C8orf34: variants seen among roughly 807,000 people sequenced by gnomAD.
The protein encoded by C8orf34 is chromosome 8 open reading frame 34, also known as uncharacterized protein C8orf34.
In C8orf34, 65 loss-of-function variants were observed where a neutral mutation model predicts 68.3. That is an observed-to-expected ratio of 0.95 (90% confidence interval 0.78 to 1.17). The LOEUF (loss-of-function observed/expected upper bound fraction) is 1.17. Ranked by LOEUF, C8orf34 falls within the 50% of genes most tolerant of loss-of-function variation. The pLI, the probability that C8orf34 is intolerant of heterozygous loss-of-function variation, is 0.00. For synonymous variants in C8orf34, 244 were observed against 241.2 expected (o/e 1.01, Z -0.11); for missense variants, 664 against 655.4 (o/e 1.01, Z -0.14).
At chr8:68,688,710 C>T (rs1434808025) in intron 8 of C8orf34, among the ~76,000 whole-genome samples, 2 of 152,016 alleles carry the variant, frequency 1.3e-5, no homozygotes, top group African/African-American at 4.8e-5. Flanking sequence ...TGGAAGCCGT[C>T]ATACTCAGCA....
chr8:68,787,431 G>A lies in C8orf34; in HGVS notation c.1456-12G>A, dbSNP rs776863386. The A allele has an allele frequency of 6.3e-7, 1 of 1,594,806 alleles. No homozygotes were observed. Among genetic ancestry groups the A allele is most frequent in the South Asian group, 1.1e-5 (1 of 89,594 alleles). ...ACAGAGTTTAATCTAAAATAAATGT[G>A]TTCTTTTGCAGGATGAATCCTTAAA... On this transcript the variant is annotated splice_polypyrimidine_tract_variant and intron_variant, in intron 11 of 13. Coordinates refer to ENST00000518698, the MANE Select transcript of C8orf34 (RefSeq NM_052958.4).
rs191142221 is a variant in C8orf34, at chr8:68,361,379, C to T, written c.327+30040C>T. On this transcript the variant is annotated intron_variant, in intron 1 of 13. Coordinates refer to ENST00000518698, the MANE Select transcript of C8orf34 (RefSeq NM_052958.4). Reference sequence around the variant, plus strand: ...TTCCTCCAGAGAGAGACTGTAACCTCGGAGGAGGCAGCTTTTGTGGGAGGA... The same window carrying T: ...TTCCTCCAGAGAGAGACTGTAACCTTGGAGGAGGCAGCTTTTGTGGGAGGA... 4.0e-3 allele frequency among the ~76,000 whole-genome samples: 614 copies of T among 152,190 alleles called. 4 individuals are homozygous for T. Among genetic ancestry groups the T allele is most frequent in the Non-Finnish European group, 5.1e-3 (350 of 68,006 alleles).
At chr8:68,331,895 G>A (rs1462788461) in intron 1 of C8orf34, among the ~76,000 whole-genome samples, 4 of 142,166 alleles carry the variant, frequency 2.8e-5, no homozygotes, top group Admixed American at 2.2e-4. Flanking sequence ...CTGAACTGGT[G>A]AGGAGTAGGC....
Position 68,446,456 on chromosome 8 carries a change from A to T in C8orf34, c.603A>T (p.Lys201Asn). ...SNISPPSPDS[K>N]SLPRSVEHPK... Reference sequence around the variant, plus strand: ...TTTCTCCACCATCACCGGACTCCAAATCATGTAAGGAAGTCTCTTATTCAA... The same window carrying T: ...TTTCTCCACCATCACCGGACTCCAATTCATGTAAGGAAGTCTCTTATTCAA... The change falls in exon 3 of 14, where the codon AAA (lysine) becomes AAT (asparagine). Residue 201 changes from lysine (K) to asparagine (N), a missense_variant. Coordinates refer to ENST00000518698, the MANE Select transcript of C8orf34 (RefSeq NM_052958.4). 6.2e-7 allele frequency: 1 copy of T among 1,611,704 alleles called. No individual in the cohort carries two copies. The highest frequency in any genetic ancestry group is 1.3e-5 in the African/African-American group (1 of 74,944).
chr8:68,405,589 C>T lies in C8orf34; in HGVS notation c.328-33910C>T, dbSNP rs117805653. Among the ~76,000 whole-genome samples, 1,336 of 152,220 alleles carry T rather than the reference C, an allele frequency of 8.8e-3. 7 individuals carry two copies. Among genetic ancestry groups the T allele is most frequent in the South Asian group, 0.025 (122 of 4,818 alleles). ...GGGAGTATCCACTTATGTCTTATAT[C>T]GGACAGCATCCATTTTATCACCATT... On this transcript the variant is annotated intron_variant, in intron 1 of 13. Coordinates refer to ENST00000518698, the MANE Select transcript of C8orf34 (RefSeq NM_052958.4).
At chr8:68,772,389 T>G (rs1444556027) in intron 10 of C8orf34, among the ~76,000 whole-genome samples, 2 of 152,160 alleles carry the variant, frequency 1.3e-5, no homozygotes, top group African/African-American at 4.8e-5. Flanking sequence ...GACAGTGTGG[T>G]TCTAGTCCTA....
chr8:68,591,982 A>T (rs1430522968), intron 7 of C8orf34, among the ~76,000 whole-genome samples: 1 of 152,140 alleles, frequency 6.6e-6, no homozygotes, highest in African/African-American at 2.4e-5. Context: ...TATTAAAAGG[A>T]ACCCCCCAAA....
chr8:68,810,759 C>T (rs1824626305), intron 12 of C8orf34, among the ~76,000 whole-genome samples: 1 of 152,112 alleles, frequency 6.6e-6, no homozygotes, highest in African/African-American at 2.4e-5. Context: ...ATCTGCTCAG[C>T]TCTCGCCTGA....
chr8:68,595,640 T>C (rs1037281605), intron 7 of C8orf34, among the ~76,000 whole-genome samples: 14 of 152,116 alleles, frequency 9.2e-5, no homozygotes, highest in Admixed American at 7.2e-4. Context: ...TTAAGGGATA[T>C]TTCAGGCATT....
At chr8:68,451,257 C>G (rs1811332361) in intron 3 of C8orf34, among the ~76,000 whole-genome samples, 1 of 152,110 alleles carries the variant, frequency 6.6e-6, no homozygotes, top group Non-Finnish European at 1.5e-5. Flanking sequence ...GATCTTCTAT[C>G]CAGACCACTC....
intron 4 of C8orf34, among the ~76,000 whole-genome samples, chr8:68,477,678 T>G (rs542396437): frequency 6.6e-6 from 1 of 152,306 alleles, no homozygotes; most frequent in African/African-American, 2.4e-5. Flanking sequence ...GCATAGGCTC[T>G]CCATGAGGGC....
intron 2 of C8orf34, among the ~76,000 whole-genome samples, chr8:68,440,971 GT>G (rs1441283683): frequency 1.3e-5 from 2 of 151,914 alleles, no homozygotes; most frequent in African/African-American, 4.8e-5. Context: ...TACCCAGCTA[GT>G]TTTTTGTATT....
chr8:68,785,586 C>T (rs1823822184), intron 11 of C8orf34, among the ~76,000 whole-genome samples: 1 of 152,178 alleles, frequency 6.6e-6, no homozygotes, highest in Non-Finnish European at 1.5e-5. Flanking sequence ...CACCTTATTT[C>T]CTCCCCCTTC....
intron 1 of C8orf34, among the ~76,000 whole-genome samples, chr8:68,405,556 T>A (rs2129621556): frequency 6.6e-6 from 1 of 152,260 alleles, no homozygotes; most frequent in East Asian, 1.9e-4. Context: ...CACTTAAGAT[T>A]TTGTCCAGGG....
chr8:68,581,226 T>C (rs1817055546), intron 7 of C8orf34, among the ~76,000 whole-genome samples: 2 of 152,064 alleles, frequency 1.3e-5, no homozygotes, highest in South Asian at 4.1e-4. Context: ...AGAAGTATGA[T>C]TGGATAAAAA....
intron 7 of C8orf34, among the ~76,000 whole-genome samples, chr8:68,638,111 G>A (rs1818899640): frequency 6.6e-6 from 1 of 152,088 alleles, no homozygotes; most frequent in Non-Finnish European, 1.5e-5. Context: ...CAATATGGTG[G>A]GCAGAAGCTG....
chr8:68,712,041 T>A (rs1215237525), intron 9 of C8orf34, among the ~76,000 whole-genome samples: 4 of 152,152 alleles, frequency 2.6e-5, no homozygotes, highest in Non-Finnish European at 4.4e-5. Context: ...TTAGCCTCCT[T>A]AAACAAAACA....
intron 8 of C8orf34, among the ~76,000 whole-genome samples, chr8:68,669,305 C>A (rs1163659104): frequency 1.3e-5 from 2 of 151,948 alleles, no homozygotes; most frequent in Non-Finnish European, 2.9e-5. Flanking sequence ...AATCTCTGTA[C>A]CTCCTTTTCA....
intron 5 of C8orf34, among the ~76,000 whole-genome samples, chr8:68,496,115 C>G (rs1813510651): frequency 6.6e-6 from 1 of 152,050 alleles, no homozygotes; most frequent in South Asian, 2.1e-4. Flanking sequence ...AAAAAGAAGA[C>G]TTTTTCCTCT....
Sources: allele counts gnomAD v4.1 joint callset (sites outside exome capture counted in the v4.1 genomes callset), GRCh38; gene constraint gnomAD v4.1.1; transcripts MANE v1.5; gene names NCBI Gene and HGNC (gene_info 2026-07-23, HGNC 2026-07-21).